FAM120C: variants seen among roughly 807,000 people sequenced by gnomAD.
The protein encoded by FAM120C is family with sequence similarity 120 member C, also known as constitutive coactivator of PPAR-gamma-like protein 2.
Under a neutral mutation model 71.2 loss-of-function variants are expected in FAM120C, and 14 were observed. The ratio of observed to expected loss-of-function variants is 0.20; its 90% CI spans 0.13 to 0.31. The LOEUF (loss-of-function observed/expected upper bound fraction) is 0.31, where lower values mean the gene tolerates loss of function less well. Ranked by LOEUF, FAM120C falls within the 10% of genes least tolerant of loss-of-function variation. FAM120C has a pLI of 1.00. For missense variants in FAM120C, 500 were observed against 879.0 expected, an observed-to-expected ratio of 0.57 and a Z score of 5.45; for synonymous variants, 354 against 353.2, an observed-to-expected ratio of 1.00 and a Z score of -0.03.
intron 15 of FAM120C, among the ~76,000 whole-genome samples, chrX:54,079,881 TG>T (rs782487129): frequency 8.9e-6 from 1 of 111,861 alleles, no homozygotes; most frequent in East Asian, 2.8e-4. Flanking sequence ...GCATATCTGG[TG>T]GCCCCTCAGA....
At position 54,142,529 on chromosome X, in the gene FAM120C, C is replaced by T. The variant is rs377091827; in HGVS notation, c.1159-5939G>A. On this transcript the variant is annotated intron_variant, in intron 4 of 15. Transcript: ENST00000375180. ...CTGAGGTCGAACTGCAAGGCAGCAG[C>T]GAGGCTGGGGGAGGGGCGTCCGCCA... is the stretch of plus-strand genomic sequence containing the variant. Among the ~76,000 whole-genome samples, 6 of 111,975 alleles carry T rather than the reference C, an allele frequency of 5.4e-5. No homozygotes were observed. In the East Asian group the frequency reaches 1.7e-3, roughly 31 times the overall value.
At chrX:54,138,369 G>A (rs868984362) in intron 4 of FAM120C, among the ~76,000 whole-genome samples, 27 of 108,756 alleles carry the variant, frequency 2.5e-4, no homozygotes, top group Admixed American at 5.0e-4. Flanking sequence ...GTGTGGTGGC[G>A]TGTGCCTGTA....
At position 54,118,699 on chromosome X, in the gene FAM120C, CTT is replaced by C. The variant is rs1187381929; in HGVS notation, c.2063-1907_2063-1906del. 8.8e-3 allele frequency among the ~76,000 whole-genome samples: 279 copies of C among 31,700 alleles called. 2 individuals carry two copies. The highest frequency in any genetic ancestry group is 0.03 in the African/African-American group (213 of 7,093). 27.5% of individuals were successfully genotyped at this position (31,700 alleles called of 115,157 possible). On this transcript the variant is annotated intron_variant, in intron 9 of 15. Transcript: ENST00000375180. ...TTTTAATTTGTATTTTTCTTTTTTT[CTT>C]TTTTTTTTTTTTTTTTTTTTTTTTA...
In FAM120C at chrX:54,116,560, A is replaced by G. The variant is rs1557126641; in HGVS notation, c.2297T>C (p.Met766Thr). The change falls in exon 10 of 16, where the codon ATG becomes ACG. Residue 766 changes from methionine (M) to threonine (T), a missense_variant. By Grantham distance (81) the Met-to-Thr change is moderately conservative. Around this residue, in one of 11 missense-constraint regions of FAM120C, gnomAD observed 104 missense variants for 254.5 expected, o/e 0.41. Coordinates refer to ENST00000375180, the MANE Select transcript of FAM120C (RefSeq NM_017848.6). Reference sequence around the variant, plus strand: ...GGTAGCTTACCGGAGTACACAACACATGAGCAGCAGATGGGTGGGGACATT... The same window carrying G: ...GGTAGCTTACCGGAGTACACAACACGTGAGCAGCAGATGGGTGGGGACATT... ...PANVPTHLLL[M>T]CCVLRYMVQW... 8.3e-7 allele frequency: 1 copy of G among 1,210,138 alleles called. No individual in the cohort carries two copies. Among genetic ancestry groups the G allele is most frequent in the Non-Finnish European group, 1.1e-6 (1 of 895,208 alleles).
Position 54,172,653 on chromosome X carries a change from A to T in FAM120C, c.699+9847T>A, listed in dbSNP as rs138251964. On this transcript the variant is annotated intron_variant, in intron 1 of 15. Coordinates refer to ENST00000375180, the MANE Select transcript of FAM120C (RefSeq NM_017848.6). ...GGTTACATCAAATTCTTAACACATA[A>T]ATCATACCTAAGTGCAGTGGCTCTC... Among the ~76,000 whole-genome samples the T allele has an allele frequency of 4.7e-3, 527 of 111,939 alleles. 2 individuals carry two copies. The highest frequency in any genetic ancestry group is 0.016 in the African/African-American group (495 of 30,845).
chrX:54,136,377 C>T (rs1246560218), intron 5 of FAM120C, 114 bp downstream of exon 5: 8 of 519,441 alleles, frequency 1.5e-5, no homozygotes, highest in Admixed American at 2.9e-5. Context: ...TGAGGAATGA[C>T]TTGTAGGAGG....
chrX:54,130,128 ACCGTG>A (rs2067058403), intron 9 of FAM120C, among the ~76,000 whole-genome samples: 2 of 32,146 alleles, frequency 6.2e-5, no homozygotes, highest in African/African-American at 1.3e-4. Flanking sequence ...GGAGAGGGAG[ACCGTG>A]GGGAGAGGGA....
chrX:54,156,218 C>G (rs2067208438), intron 3 of FAM120C, among the ~76,000 whole-genome samples: 1 of 108,480 alleles, frequency 9.2e-6, no homozygotes, highest in African/African-American at 3.4e-5. Flanking sequence ...AGGTATGAAA[C>G]AGTCATCTAG....
chrX:54,151,171 G>C, intron 4 of FAM120C, 74 bp downstream of exon 4: 1 of 1,131,132 alleles, frequency 8.8e-7, no homozygotes, highest in South Asian at 1.9e-5. Context: ...TCACAGAAAA[G>C]ATCAGGGACC....
intron 10 of FAM120C, among the ~76,000 whole-genome samples, chrX:54,107,663 G>A (rs1715771722): frequency 9.6e-6 from 1 of 103,992 alleles, no homozygotes; most frequent in African/African-American, 3.5e-5. Context: ...GGGATTAGAG[G>A]CGTGTGCCAC....
rs2066702160 is a variant in FAM120C, at chrX:54,069,749, C to T, written c.*3284G>A. On this transcript the variant is annotated 3_prime_UTR_variant, in exon 16 of 16. Coordinates refer to ENST00000375180, the MANE Select transcript of FAM120C (RefSeq NM_017848.6). ...ACCAATTCTTGGGCTTTAAAGTCTA[C>T]CCAAAGTCCTACTGGCTCAGAATGA... 8.9e-6 allele frequency: 1 copy of T among 111,884 alleles called. No homozygotes were observed. Among genetic ancestry groups the T allele is most frequent in the African/African-American group, 3.2e-5 (1 of 30,772 alleles). The allele number at this position is 111,884 out of a possible 1,213,427, so 9.2% of individuals were successfully genotyped here.
chrX:54,118,699 C>CTTTTTTTTTCTTTTTTTT (rs2066987949), intron 9 of FAM120C, among the ~76,000 whole-genome samples: 2 of 31,721 alleles, frequency 6.3e-5, no homozygotes, highest in African/African-American at 2.8e-4. Context: ...TTCTTTTTTT[C>CTTTTTTTTTCTTTTTTTT]TTTTTTTTTT....
At chrX:54,150,088 AG>A (rs1332178760) in intron 4 of FAM120C, among the ~76,000 whole-genome samples, 7 of 111,757 alleles carry the variant, frequency 6.3e-5, no homozygotes, top group African/African-American at 2.3e-4. Context: ...CCATTGAGGA[AG>A]AACTCCTTTA....
At chrX:54,179,449 G>A (rs1379258954) in intron 1 of FAM120C, among the ~76,000 whole-genome samples, 3 of 111,693 alleles carry the variant, frequency 2.7e-5, no homozygotes, top group Middle Eastern at 4.3e-3. Flanking sequence ...GATCATCCAA[G>A]TGAAAAATTC....
Position 54,068,460 on chromosome X carries a change from C to T in FAM120C, c.*4573G>A, listed in dbSNP as rs1203842158. 1 of 111,673 alleles carries T rather than the reference C, an allele frequency of 9.0e-6. No individual in the cohort carries two copies. The highest frequency in any genetic ancestry group is 1.9e-5 in the Non-Finnish European group (1 of 53,244). 9.2% of individuals were successfully genotyped at this position (111,673 alleles called of 1,213,427 possible). ...GAGGCATTCTCATTCCTTTCTGAAA[C>T]TCTTCCATTAACTCCTGAAGTTTCC... On this transcript the variant is annotated 3_prime_UTR_variant, in exon 16 of 16. Coordinates refer to ENST00000375180, the MANE Select transcript of FAM120C (RefSeq NM_017848.6).
chrX:54,149,810 T>G (rs2067176128), intron 4 of FAM120C, among the ~76,000 whole-genome samples: 1 of 111,912 alleles, frequency 8.9e-6, no homozygotes, highest in Non-Finnish European at 1.9e-5. Context: ...GTATTCTTAT[T>G]GTGATGATGG....
At chrX:54,095,067 AAAAACAAAACAAAAC>A (rs200090345) in intron 10 of FAM120C, among the ~76,000 whole-genome samples, 1 of 110,402 alleles carries the variant, frequency 9.1e-6, no homozygotes, top group African/African-American at 3.3e-5. Flanking sequence ...AACTTGTTTC[AAAAACAAAACAAAAC>A]AAAACAAAAC....
At chrX:54,145,361 C>A (rs2067149425) in intron 4 of FAM120C, among the ~76,000 whole-genome samples, 1 of 111,325 alleles carries the variant, frequency 9.0e-6, no homozygotes, top group Non-Finnish European at 1.9e-5. Flanking sequence ...AAAGAAACTA[C>A]CATCAGAGTG....
At chrX:54,170,818 A>C in intron 1 of FAM120C, among the ~76,000 whole-genome samples, 1 of 112,305 alleles carries the variant, frequency 8.9e-6, no homozygotes. Context: ...CTACTGCCTG[A>C]AGGTCCTCAG....
Sources: allele counts gnomAD v4.1 joint callset (sites outside exome capture counted in the v4.1 genomes callset), GRCh38; gene constraint gnomAD v4.1.1; regional missense constraint gnomAD v4.1.1; transcripts MANE v1.5; gene names NCBI Gene and HGNC (gene_info 2026-07-23, HGNC 2026-07-21).